Variants in HACD2 observed in about 807,000 individuals in gnomAD.
The protein encoded by HACD2 is very-long-chain (3R)-3-hydroxyacyl-CoA dehydratase 2.
In HACD2, 15 loss-of-function variants were observed where a neutral mutation model predicts 31.0. The ratio of observed to expected loss-of-function variants is 0.48; its 90% CI spans 0.32 to 0.75. HACD2 has a LOEUF of 0.75. Among genes scored for constraint, HACD2 ranks in the 30% least tolerant of loss-of-function variants. The probability of loss-of-function intolerance (pLI) is 0.03; values close to 1 mark genes in which losing one functional copy is unlikely to be tolerated. For synonymous variants in HACD2, 115 were observed against 122.2 expected (o/e 0.94, Z 0.39); for missense variants, 283 against 313.0 (o/e 0.90, Z 0.72).
At chr3:123,524,791 T>C (rs2056258718) in intron 4 of HACD2, among the ~76,000 whole-genome samples, 1 of 152,080 alleles carries the variant, frequency 6.6e-6, no homozygotes, top group Non-Finnish European at 1.5e-5. Flanking sequence ...CCGGCCACCA[T>C]CATGTTTTTA....
intron 3 of HACD2, among the ~76,000 whole-genome samples, chr3:123,561,113 G>C (rs1043178715): frequency 6.6e-6 from 1 of 152,312 alleles, no homozygotes; most frequent in East Asian, 1.9e-4. Flanking sequence ...TACAGTTCAA[G>C]GGAGGATTCA....
intron 3 of HACD2, among the ~76,000 whole-genome samples, chr3:123,565,061 G>C (rs1439413127): frequency 6.6e-6 from 1 of 152,100 alleles, no homozygotes. Context: ...CCTGGACCTA[G>C]GTCTGAGCCC....
chr3:123,514,111 C>T (rs1304694260), intron 4 of HACD2, among the ~76,000 whole-genome samples: 1 of 151,980 alleles, frequency 6.6e-6, no homozygotes. Context: ...CCTGCCACTA[C>T]AAAAAATACA....
intron 3 of HACD2, among the ~76,000 whole-genome samples, chr3:123,552,231 T>C (rs2056627612): frequency 6.6e-6 from 1 of 152,098 alleles, no homozygotes; most frequent in Admixed American, 6.6e-5. Flanking sequence ...TGGGATGCTA[T>C]GGCAATCTGA....
intron 4 of HACD2, 54 bp from the exon 5 acceptor site, chr3:123,502,735 A>C (rs2055919261): frequency 3.9e-6 from 6 of 1,546,634 alleles, no homozygotes; most frequent in Non-Finnish European, 4.4e-6. Flanking sequence ...GTTAATGAAG[A>C]CAGTGTGCAG....
chr3:123,498,252 C>T (rs762254573), intron 6 of HACD2, among the ~76,000 whole-genome samples: 12 of 152,216 alleles, frequency 7.9e-5, no homozygotes, highest in South Asian at 2.1e-4. Flanking sequence ...CCCTTTTCTC[C>T]GGTCTACAAG....
At chr3:123,537,936 T>G (rs946139129) in intron 3 of HACD2, among the ~76,000 whole-genome samples, 1 of 152,218 alleles carries the variant, frequency 6.6e-6, no homozygotes, top group Non-Finnish European at 1.5e-5. Context: ...AAAAGATAAT[T>G]CTAAAAGTGA....
intron 3 of HACD2, among the ~76,000 whole-genome samples, chr3:123,538,891 A>G (rs2056456337): frequency 6.6e-6 from 1 of 152,236 alleles, no homozygotes; most frequent in African/African-American, 2.4e-5. Context: ...ATTCAAATGA[A>G]GGAAGAACGA....
chr3:123,510,781 G>A (rs2056050316), intron 4 of HACD2, among the ~76,000 whole-genome samples: 1 of 152,128 alleles, frequency 6.6e-6, no homozygotes, highest in East Asian at 1.9e-4. Context: ...TATATTCTTA[G>A]TAGTGGAGTT....
chr3:123,572,004 T>C (rs1056929138), intron 2 of HACD2, among the ~76,000 whole-genome samples: 6 of 152,198 alleles, frequency 3.9e-5, no homozygotes, highest in Non-Finnish European at 5.9e-5. Flanking sequence ...AGTTGGACTG[T>C]CTACATATCG....
intron 2 of HACD2, among the ~76,000 whole-genome samples, chr3:123,570,080 G>A (rs1008735205): frequency 7.3e-6 from 1 of 137,428 alleles, no homozygotes; most frequent in African/African-American, 2.6e-5. Flanking sequence ...AGGACACACA[G>A]CAATGAATGG....
chr3:123,513,650 A>G (rs971264736), intron 4 of HACD2, among the ~76,000 whole-genome samples: 1 of 152,194 alleles, frequency 6.6e-6, no homozygotes, highest in Non-Finnish European at 1.5e-5. Context: ...AAGAAACATC[A>G]CACGGATGTG....
intron 3 of HACD2, among the ~76,000 whole-genome samples, chr3:123,557,825 C>T (rs994116680): frequency 1.1e-4 from 16 of 152,222 alleles, no homozygotes; most frequent in Non-Finnish European, 1.9e-4. Flanking sequence ...ATTCATTACT[C>T]TTGGGAAAGC....
intron 3 of HACD2, among the ~76,000 whole-genome samples, chr3:123,549,686 T>A (rs553813097): frequency 4.6e-5 from 7 of 152,210 alleles, no homozygotes; most frequent in Admixed American, 4.6e-4. Context: ...AAGTTGAGGC[T>A]GCAGTGAGCT....
chr3:123,580,906 A>C (rs893373319), intron 2 of HACD2, among the ~76,000 whole-genome samples: 2 of 137,868 alleles, frequency 1.5e-5, no homozygotes, highest in South Asian at 4.8e-4. Flanking sequence ...CCCAGGCTGG[A>C]GTACAGTGGC....
intron 4 of HACD2, among the ~76,000 whole-genome samples, chr3:123,510,439 G>C (rs2056043658): frequency 6.6e-6 from 1 of 152,114 alleles, no homozygotes; most frequent in Non-Finnish European, 1.5e-5. Flanking sequence ...GTGGAGACAG[G>C]GTTTTGTCAT....
chr3:123,566,422 C>A (rs2056792697), intron 3 of HACD2, among the ~76,000 whole-genome samples: 1 of 151,930 alleles, frequency 6.6e-6, no homozygotes, highest in Admixed American at 6.6e-5. Context: ...GTAGCTGGGA[C>A]CACAGGCATG....
intron 3 of HACD2, among the ~76,000 whole-genome samples, chr3:123,543,191 T>C (rs1395968667): frequency 5.3e-5 from 8 of 152,234 alleles, no homozygotes; most frequent in Non-Finnish European, 1.0e-4. Context: ...GAAACAGTTA[T>C]TTTCTTTTAG....
At chr3:123,509,292 C>G (rs567442186) in intron 4 of HACD2, among the ~76,000 whole-genome samples, 1 of 151,872 alleles carries the variant, frequency 6.6e-6, no homozygotes, top group Non-Finnish European at 1.5e-5. Flanking sequence ...CACCTGAGCC[C>G]GGAAAGTTAA....
Sources: allele counts gnomAD v4.1 joint callset (sites outside exome capture counted in the v4.1 genomes callset), GRCh38; gene constraint gnomAD v4.1.1; transcripts MANE v1.5; gene names NCBI Gene and HGNC (gene_info 2026-07-23, HGNC 2026-07-21).